The following PPP2R1B variants were observed in gnomAD, a reference collection of about 807,000 sequenced individuals.
PPP2R1B encodes serine/threonine-protein phosphatase 2A 65 kDa regulatory subunit A beta isoform.
A neutral mutation model predicts 72.7 loss-of-function variants in PPP2R1B; 58 were observed. That is an observed-to-expected ratio of 0.80 (90% confidence interval 0.65 to 0.99). The LOEUF is 0.99. Ranked by LOEUF, PPP2R1B falls within the 50% of genes least tolerant of loss-of-function variation. The probability of loss-of-function intolerance (pLI) is 0.00; values close to 1 mark genes in which losing one functional copy is unlikely to be tolerated. For missense variants in PPP2R1B, 695 were observed against 733.6 expected, an observed-to-expected ratio of 0.95 and a Z score of 0.61; for synonymous variants, 256 against 264.6, an observed-to-expected ratio of 0.97 and a Z score of 0.32.
At chr11:111,755,950 T>C (rs2136090407) in intron 5 of PPP2R1B, among the ~76,000 whole-genome samples, 1 of 151,734 alleles carries the variant, frequency 6.6e-6, no homozygotes, top group East Asian at 2.0e-4. Context: ...GGCTCACGTC[T>C]GTAATACCAG....
the PPP2R1B span, chr11:111,701,300 G>T: frequency 2.8e-6 from 3 of 1,054,882 alleles, no homozygotes; most frequent in Non-Finnish European, 2.7e-6. This position sits in a 1 kb window ranked among gnomAD's most constrained non-coding sequence, Gnocchi z 4.2. Context: ...TAGTAGTCAG[G>T]GTTTTGGATT....
chr11:111,690,609 G>A, the PPP2R1B span, among the ~76,000 whole-genome samples: 1 of 102,422 alleles, frequency 9.8e-6, no homozygotes, highest in Middle Eastern at 4.1e-3. Flanking sequence ...CTCCCTCCCC[G>A]CCTCCCCTCA....
intron 3 of PPP2R1B, among the ~76,000 whole-genome samples, chr11:111,761,562 C>T (rs1301672667): frequency 1.3e-5 from 2 of 152,210 alleles, no homozygotes; most frequent in East Asian, 3.8e-4. Flanking sequence ...TTTTATCCAA[C>T]CTATAAAATG....
At chr11:111,761,922 T>C (rs1460432715) in intron 3 of PPP2R1B, among the ~76,000 whole-genome samples, 3 of 152,150 alleles carry the variant, frequency 2.0e-5, no homozygotes, top group African/African-American at 7.2e-5. Context: ...ATTGTGCCAC[T>C]GTACTTGAGC....
chr11:111,714,981 G>A, the PPP2R1B span, among the ~76,000 whole-genome samples: 5 of 152,228 alleles, frequency 3.3e-5, no homozygotes, highest in Non-Finnish European at 5.9e-5. Flanking sequence ...GAGGGCATCA[G>A]GCCTAAAACA....
chr11:111,760,912 C>G lies in PPP2R1B; in HGVS notation c.446G>C (p.Ser149Thr). 10 of 1,614,190 alleles carry G rather than the reference C, an allele frequency of 6.2e-6. No homozygotes were observed. The highest frequency in any genetic ancestry group is 8.5e-6 in the Non-Finnish European group (10 of 1,180,032). ...TGTGCGAGAGGTGAACCAATCCCCA[C>G]TTGCTAAGCGTTTCACCAGAGGTAC... ...YFVPLVKRLA[S>T]GDWFTSRTSA... is the part of the protein sequence containing the mutation. Residue 149 changes from serine (S) to threonine (T), a missense_variant, in exon 4 of 15, where the codon AGT becomes ACT. Ser to Thr is a moderately conservative substitution (Grantham distance 58). Coordinates refer to ENST00000527614, the MANE Select transcript of PPP2R1B (RefSeq NM_002716.5).
chr11:111,713,086 G>C, the PPP2R1B span, among the ~76,000 whole-genome samples: 8 of 152,138 alleles, frequency 5.3e-5, no homozygotes, highest in Non-Finnish European at 8.8e-5. Context: ...AATGTCTTGA[G>C]CCCAGGGGGC....
intron 5 of PPP2R1B, 29 bp from the exon 6 acceptor site, chr11:111,755,479 A>C (rs1945073161): frequency 6.3e-7 from 1 of 1,577,596 alleles, no homozygotes; most frequent in Admixed American, 1.9e-5. Context: ...TGTAATTCAG[A>C]CATTTACTGA....
chr11:111,745,192 C>T (rs892212262), intron 11 of PPP2R1B, among the ~76,000 whole-genome samples: 7 of 151,836 alleles, frequency 4.6e-5, no homozygotes, highest in South Asian at 2.1e-4. Context: ...GCTGGGATTA[C>T]AGGCGCCCGC....
rs782051030 is a variant in PPP2R1B, at chr11:111,760,880, A to G, written c.478T>C (p.Cys160Arg). 1.9e-6 allele frequency: 3 copies of G among 1,614,196 alleles called. No homozygotes were observed. Among genetic ancestry groups the G allele is most frequent in the Non-Finnish European group, 1.7e-6 (2 of 1,180,032 alleles). ...GDWFTSRTSA[C>R]GLFSVCYPRA... ...GGATAGCAAACGCTGAACAAACCACATGCAGATGTGCGAGAGGTGAACCAA... is the reference window on the plus strand; with the variant it reads ...GGATAGCAAACGCTGAACAAACCACGTGCAGATGTGCGAGAGGTGAACCAA... Residue 160 changes from cysteine (C) to arginine (R), a missense_variant, in exon 4 of 15, where the codon TGT becomes CGT. Transcript: ENST00000527614.
At chr11:111,757,206 T>A (rs1945156003) in intron 5 of PPP2R1B, among the ~76,000 whole-genome samples, 1 of 151,828 alleles carries the variant, frequency 6.6e-6, no homozygotes, top group Non-Finnish European at 1.5e-5. Context: ...TAAGGTAGAA[T>A]CTTAATACAT....
downstream of PPP2R1B, chr11:111,737,475 G>A (rs373955539): frequency 6.2e-7 from 1 of 1,614,196 alleles, no homozygotes; most frequent in Non-Finnish European, 8.5e-7. Flanking sequence ...CAGGCACTGT[G>A]GGTCTTGGGA....
chr11:111,714,744 C>T, the PPP2R1B span, among the ~76,000 whole-genome samples: 4 of 152,292 alleles, frequency 2.6e-5, no homozygotes, highest in Non-Finnish European at 5.9e-5. Flanking sequence ...CCACAACAGG[C>T]AGCTCAGTGC....
Position 111,760,917 on chromosome 11 carries a change from T to G in PPP2R1B, c.441A>C (p.Leu147Phe). 6.2e-7 allele frequency: 1 copy of G among 1,614,224 alleles called. No homozygotes were observed. The highest frequency in any genetic ancestry group is 8.5e-7 in the Non-Finnish European group (1 of 1,180,042). ...EAYFVPLVKR[L>F]ASGDWFTSRT... ...GAGAGGTGAACCAATCCCCACTTGCTAAGCGTTTCACCAGAGGTACAAAAT... is the reference window on the plus strand; with the variant it reads ...GAGAGGTGAACCAATCCCCACTTGCGAAGCGTTTCACCAGAGGTACAAAAT... The change falls in exon 4 of 15, where the codon TTA becomes TTC. Residue 147 changes from leucine to phenylalanine, a missense_variant. By Grantham distance (22) the Leu-to-Phe change is conservative. Transcript: ENST00000527614.
At position 111,740,193 on chromosome 11, in the gene PPP2R1B, G is replaced by T; in HGVS notation, c.*1403C>A. ...AAACCCCCTTAACCAAAAGTCATGA[G>T]ACAAGGTGAGTTTGATTATGTGAAA... is the stretch of plus-strand genomic sequence containing the variant. On this transcript the variant is annotated 3_prime_UTR_variant, in exon 15 of 15. Coordinates refer to ENST00000527614, the MANE Select transcript of PPP2R1B (RefSeq NM_002716.5). 2 of 985,336 alleles carry T rather than the reference G, an allele frequency of 2.0e-6. No homozygotes were observed. Among genetic ancestry groups the T allele is most frequent in the Non-Finnish European group, 2.4e-6 (2 of 829,858 alleles). 61.0% of individuals were successfully genotyped at this position (985,336 alleles called of 1,614,324 possible). A position where few individuals can be genotyped will look rare whatever the true frequency, so the allele number is the denominator to read the frequency against.
At chr11:111,720,990 A>G in the PPP2R1B span, 1 of 1,614,226 alleles carries the variant, frequency 6.2e-7, no homozygotes, top group Admixed American at 1.7e-5. Context: ...ATGAACAAAT[A>G]GGACCGGAGG....
At chr11:111,732,197 C>T (rs995496651) in intron 15 of PPP2R1B, among the ~76,000 whole-genome samples, 1 of 152,248 alleles carries the variant, frequency 6.6e-6, no homozygotes, top group African/African-American at 2.4e-5. Context: ...CGAGCAGCTG[C>T]TTTCTGCCCC....
Position 111,740,003 on chromosome 11 carries a change from G to T in PPP2R1B, c.*1593C>A. On this transcript the variant is annotated 3_prime_UTR_variant, in exon 15 of 15. Coordinates refer to ENST00000527614, the MANE Select transcript of PPP2R1B (RefSeq NM_002716.5). The stretch of plus-strand genomic sequence containing the variant: ...AGTATTTAGTAAAACTTGGTTTTAT[G>T]TAACAAATATACAAAGTCTTAGAGG... The T allele has an allele frequency of 2.0e-6, 2 of 981,958 alleles. No individual in the cohort carries two copies. The highest frequency in any genetic ancestry group is 2.4e-6 in the Non-Finnish European group (2 of 826,802). The allele number at this position is 981,958 out of a possible 1,614,324, so 60.8% of individuals were successfully genotyped here. A position where few individuals can be genotyped will look rare whatever the true frequency, so the allele number is the denominator to read the frequency against.
chr11:111,703,390 C>T, the PPP2R1B span: 2 of 1,613,926 alleles, frequency 1.2e-6, no homozygotes, highest in Admixed American at 1.7e-5. Flanking sequence ...GACTGATGCA[C>T]AGCCTTGGAA....
Sources: allele counts gnomAD v4.1 joint callset (sites outside exome capture counted in the v4.1 genomes callset), GRCh38; gene constraint gnomAD v4.1.1; non-coding constraint Gnocchi (gnomAD v3.1); transcripts MANE v1.5; gene names NCBI Gene and HGNC (gene_info 2026-07-23, HGNC 2026-07-21).